Variants in PSD3 observed in about 807,000 individuals in gnomAD.
The protein encoded by PSD3 is pleckstrin and Sec7 domain containing 3, also known as PH and SEC7 domain-containing protein 3.
A neutral mutation model predicts 105.5 loss-of-function variants in PSD3; 49 were observed. That is an observed-to-expected ratio of 0.46 (90% confidence interval 0.37 to 0.59). The LOEUF (loss-of-function observed/expected upper bound fraction) is 0.59. Among genes scored for constraint, PSD3 ranks in the 20% least tolerant of loss-of-function variants. The probability of loss-of-function intolerance (pLI) is 0.00; values close to 1 mark genes in which losing one functional copy is unlikely to be tolerated. For missense variants in PSD3, 1,561 were observed against 1,263.8 expected (o/e 1.24, Z -3.57); for synonymous variants, 557 against 457.8 (o/e 1.22, Z -2.77).
At chr8:18,600,507 T>C (rs935651766) in intron 11 of PSD3, 73 bp from the exon 12 acceptor site, 4 of 1,219,094 alleles carry the variant, frequency 3.3e-6, no homozygotes, top group South Asian at 1.3e-5. Context: ...ATGATCAACA[T>C]GGTGACAGTG....
intron 14 of PSD3, 118 bp from the exon 15 acceptor site, chr8:18,556,470 T>A: frequency 2.0e-6 from 2 of 997,910 alleles, no homozygotes; most frequent in Non-Finnish European, 3.0e-6. Flanking sequence ...AACAGCCCAA[T>A]GTGCCTCTGC....
At chr8:18,872,781 G>A in intron 2 of PSD3, 48 bp from the exon 3 acceptor site, 1 of 1,472,646 alleles carries the variant, frequency 6.8e-7, no homozygotes, top group Non-Finnish European at 9.1e-7. Flanking sequence ...GAAAGACAGG[G>A]CCCAGTAGGT....
At chr8:18,689,820 T>C (rs1200470951) in intron 9 of PSD3, among the ~76,000 whole-genome samples, 1 of 152,212 alleles carries the variant, frequency 6.6e-6, no homozygotes, top group East Asian at 1.9e-4. Flanking sequence ...TCCTAGACTA[T>C]TCATTTGGAC....
chr8:18,575,590 C>T (rs562290032), intron 12 of PSD3, among the ~76,000 whole-genome samples: 10 of 152,214 alleles, frequency 6.6e-5, no homozygotes, highest in African/African-American at 2.4e-4. Flanking sequence ...AAATAAATAT[C>T]TATCGTACAC....
chr8:18,922,272 G>A (rs1166585426), intron 2 of PSD3, among the ~76,000 whole-genome samples: 4 of 152,120 alleles, frequency 2.6e-5, no homozygotes, highest in Non-Finnish European at 5.9e-5. Context: ...AGTTCTGTAA[G>A]TCAATAAAAG....
At chr8:18,839,357 A>C (rs1814418564) in intron 4 of PSD3, among the ~76,000 whole-genome samples, 1 of 152,212 alleles carries the variant, frequency 6.6e-6, no homozygotes, top group African/African-American at 2.4e-5. Context: ...CTTAAGCATG[A>C]AACAGGATAA....
At chr8:18,920,391 T>C (rs1820928649) in intron 2 of PSD3, among the ~76,000 whole-genome samples, 1 of 152,192 alleles carries the variant, frequency 6.6e-6, no homozygotes, top group Non-Finnish European at 1.5e-5. Flanking sequence ...GTCAGACACT[T>C]GCTTGTACCT....
At chr8:18,562,659 T>C (rs1002380089) in intron 14 of PSD3, among the ~76,000 whole-genome samples, 5 of 152,096 alleles carry the variant, frequency 3.3e-5, no homozygotes, top group Non-Finnish European at 7.4e-5. Context: ...GAGGCTGAGA[T>C]GGGCGGATCA....
At chr8:18,935,078 ACGG>A (rs1822018726) in intron 2 of PSD3, among the ~76,000 whole-genome samples, 1 of 152,134 alleles carries the variant, frequency 6.6e-6, no homozygotes, top group South Asian at 2.1e-4. Flanking sequence ...AATGGGGATA[ACGG>A]TACCAACTTA....
At chr8:18,925,914 T>A (rs1195366072) in intron 2 of PSD3, among the ~76,000 whole-genome samples, 1 of 152,136 alleles carries the variant, frequency 6.6e-6, no homozygotes, top group Non-Finnish European at 1.5e-5. Context: ...TTTAAAAAAA[T>A]TTTCTTTCTT....
intron 2 of PSD3, chr8:18,887,058 A>C (rs1052562621): frequency 3.9e-5 from 6 of 152,262 alleles, no homozygotes; most frequent in African/African-American, 1.2e-4. Context: ...GAAGCCCAGC[A>C]AAGGCTTGGA....
chr8:18,805,220 A>C (rs1811097404), intron 4 of PSD3, among the ~76,000 whole-genome samples: 1 of 152,220 alleles, frequency 6.6e-6, no homozygotes, highest in Admixed American at 6.5e-5. Context: ...GAAACATTTT[A>C]AAAATTCACT....
At chr8:18,743,316 G>A (rs948374841) in intron 9 of PSD3, among the ~76,000 whole-genome samples, 2 of 152,160 alleles carry the variant, frequency 1.3e-5, no homozygotes, top group Non-Finnish European at 2.9e-5. Flanking sequence ...GGGAGATAGC[G>A]AATGCAGGGA....
At chr8:18,771,113 G>A (rs566479497) in intron 8 of PSD3, among the ~76,000 whole-genome samples, 10 of 152,312 alleles carry the variant, frequency 6.6e-5, no homozygotes, top group Middle Eastern at 3.4e-3. Flanking sequence ...ATGTCCAGCT[G>A]CTTCTCCTCT....
At chr8:18,771,201 C>G (rs1012207735) in intron 8 of PSD3, among the ~76,000 whole-genome samples, 2 of 152,122 alleles carry the variant, frequency 1.3e-5, no homozygotes, top group African/African-American at 4.8e-5. Flanking sequence ...TTGGAAAAGG[C>G]AACATTTGAA....
intron 11 of PSD3, among the ~76,000 whole-genome samples, chr8:18,613,351 G>A (rs1044237672): frequency 6.6e-6 from 1 of 152,108 alleles, no homozygotes; most frequent in African/African-American, 2.4e-5. Flanking sequence ...CAGGGGGGAG[G>A]AGCCTGGTCT....
At chr8:18,818,605 G>A (rs1160221196) in intron 4 of PSD3, among the ~76,000 whole-genome samples, 2 of 152,004 alleles carry the variant, frequency 1.3e-5, no homozygotes, top group Non-Finnish European at 2.9e-5. Context: ...CACAAGACAG[G>A]ACAATCTGCT....
chr8:18,925,797 C>G (rs1029155440), intron 2 of PSD3, among the ~76,000 whole-genome samples: 1 of 152,192 alleles, frequency 6.6e-6, no homozygotes, highest in African/African-American at 2.4e-5. Context: ...AGCCATCCAG[C>G]AGAAAGCCTC....
intron 9 of PSD3, among the ~76,000 whole-genome samples, chr8:18,686,960 A>G (rs1264272435): frequency 6.6e-6 from 1 of 152,158 alleles, no homozygotes; most frequent in African/African-American, 2.4e-5. Context: ...ACAGCAGCCC[A>G]GCTCCACCCT....
Sources: allele counts gnomAD v4.1 joint callset (sites outside exome capture counted in the v4.1 genomes callset), GRCh38; gene constraint gnomAD v4.1.1; transcripts MANE v1.5; gene names NCBI Gene and HGNC (gene_info 2026-07-23, HGNC 2026-07-21).